SLC25A12: variants seen among roughly 807,000 people sequenced by gnomAD.
SLC25A12 encodes solute carrier family 25 member 12.
Under a neutral mutation model 83.3 loss-of-function variants are expected in SLC25A12, and 32 were observed. That is an observed-to-expected ratio of 0.38 (90% CI 0.29 to 0.52). The LOEUF (loss-of-function observed/expected upper bound fraction) is 0.52, where lower values mean the gene tolerates loss of function less well. Among genes scored for constraint, SLC25A12 ranks in the 20% least tolerant of loss-of-function variants. The pLI is 0.84. For synonymous variants in SLC25A12, 267 were observed against 291.1 expected (o/e 0.92, Z 0.84); for missense variants, 611 against 835.6 (o/e 0.73, Z 3.31).
At chr2:171,791,687 G>A (rs1219101450) in intron 14 of SLC25A12, 98 bp from the exon 15 acceptor site, 1 of 1,151,340 alleles carries the variant, frequency 8.7e-7, no homozygotes, top group African/African-American at 1.5e-5. Flanking sequence ...AGCTTGAGGT[G>A]TCCCTCAGTG....
At chr2:171,850,774 A>G (rs779080805) in intron 4 of SLC25A12, among the ~76,000 whole-genome samples, 1 of 152,148 alleles carries the variant, frequency 6.6e-6, no homozygotes, top group Non-Finnish European at 1.5e-5. Context: ...ATAGAACTTC[A>G]TATTATTGCA....
intron 2 of SLC25A12, among the ~76,000 whole-genome samples, chr2:171,869,076 A>G (rs1387479104): frequency 6.6e-6 from 1 of 152,240 alleles, no homozygotes; most frequent in Admixed American, 6.5e-5. Context: ...GACAGACACT[A>G]AAGGCCATAT....
intron 2 of SLC25A12, among the ~76,000 whole-genome samples, chr2:171,888,529 C>T (rs1033815958): frequency 3.9e-5 from 6 of 152,144 alleles, no homozygotes; most frequent in African/African-American, 9.7e-5. Context: ...GCAACCCCCG[C>T]TTCCCGGGTT....
chr2:171,850,861 A>G (rs1015773960), intron 4 of SLC25A12, among the ~76,000 whole-genome samples: 2 of 152,266 alleles, frequency 1.3e-5, no homozygotes, highest in Non-Finnish European at 2.9e-5. Context: ...CTTTAAAATA[A>G]TAACAGTGGT....
intron 13 of SLC25A12, among the ~76,000 whole-genome samples, chr2:171,794,370 C>T (rs1260922515): frequency 6.6e-6 from 1 of 152,006 alleles, no homozygotes; most frequent in East Asian, 1.9e-4. Context: ...ATGGCTACAC[C>T]CACACAAAAG....
At chr2:171,872,375 T>A (rs1573998814) in intron 2 of SLC25A12, among the ~76,000 whole-genome samples, 1 of 152,176 alleles carries the variant, frequency 6.6e-6, no homozygotes, top group East Asian at 1.9e-4. Flanking sequence ...TCCTGTCAAT[T>A]GCTTTTCTTC....
At position 171,834,008 on chromosome 2, in the gene SLC25A12, T is replaced by G; in HGVS notation, c.800A>C (p.Glu267Ala). ...AIRYGQVTPL[E>A]IDILYQLADL... Reference sequence around the variant, plus strand: ...TGCAAGCTGATATAGAATATCAATTTCTAGTGGTGTGACTTGTCCATAGCG... The same window carrying G: ...TGCAAGCTGATATAGAATATCAATTGCTAGTGGTGTGACTTGTCCATAGCG... Residue 267 changes from glutamate to alanine, a missense_variant, in exon 8 of 18, where the codon GAA becomes GCA. Physicochemically the swap from Glu to Ala is moderately radical, Grantham distance 107. This residue lies in a region of SLC25A12 where 540 missense variants were observed against 777.5 expected (regional missense o/e 0.69). Transcript: ENST00000422440. The G allele has an allele frequency of 1.9e-6, 3 of 1,610,312 alleles. No homozygotes were observed. The highest frequency in any genetic ancestry group is 1.7e-6 in the Non-Finnish European group (2 of 1,176,678).
intron 6 of SLC25A12, 118 bp from the exon 7 acceptor site, chr2:171,834,983 C>CAGTG: frequency 2.9e-6 from 3 of 1,031,330 alleles, no homozygotes; most frequent in Non-Finnish European, 4.4e-6. Flanking sequence ...ATGATGTTAA[C>CAGTG]AACCAGTACA....
chr2:171,883,494 G>A (rs1179125467), intron 2 of SLC25A12, among the ~76,000 whole-genome samples: 2 of 152,200 alleles, frequency 1.3e-5, no homozygotes, highest in African/African-American at 4.8e-5. Context: ...GAACTCTATA[G>A]ACAGGAGGAC....
chr2:171,852,655 C>T, intron 4 of SLC25A12: 1 of 455,204 alleles, frequency 2.2e-6, no homozygotes, highest in Admixed American at 2.4e-5. Context: ...TGGTTACAAA[C>T]ATGAAAACTG....
chr2:171,885,386 G>A lies in SLC25A12; in HGVS notation c.66+7819C>T, dbSNP rs79458694. On this transcript the variant is annotated intron_variant, in intron 2 of 17. Coordinates refer to ENST00000422440, the MANE Select transcript of SLC25A12 (RefSeq NM_003705.5). ...TAGTTTATGTTAAATACTTTCTAAA[G>A]TATTTAGAAAAGGCTGGGCATGGTG... is the stretch of plus-strand genomic sequence containing the variant. Among the ~76,000 whole-genome samples the A allele has an allele frequency of 2.1e-3, 308 of 149,388 alleles. 1 individual carries two copies. The highest frequency in any genetic ancestry group is 3.5e-3 in the Non-Finnish European group (239 of 67,482).
intron 3 of SLC25A12, among the ~76,000 whole-genome samples, chr2:171,859,819 T>C (rs935437192): frequency 3.3e-5 from 5 of 151,986 alleles, no homozygotes; most frequent in African/African-American, 1.2e-4. Context: ...TGGAGTGCAA[T>C]GGCATGATCT....
intron 5 of SLC25A12, among the ~76,000 whole-genome samples, chr2:171,838,279 C>A (rs981397737): frequency 6.6e-6 from 1 of 152,158 alleles, no homozygotes; most frequent in African/African-American, 2.4e-5. Flanking sequence ...GAAGTCTCAT[C>A]ATTTTTATTT....
At chr2:171,840,765 G>A (rs1023189967) in intron 5 of SLC25A12, among the ~76,000 whole-genome samples, 4 of 152,206 alleles carry the variant, frequency 2.6e-5, no homozygotes, top group African/African-American at 7.2e-5. Flanking sequence ...ATTGAAGGAC[G>A]TAAGTTTCCA....
chr2:171,793,115 GTTGGT>G (rs1683517477), intron 14 of SLC25A12, among the ~76,000 whole-genome samples: 1 of 148,032 alleles, frequency 6.8e-6, no homozygotes, highest in Admixed American at 6.7e-5. Context: ...ACACTCTGTT[GTTGGT>G]TTGTTTTTTT....
chr2:171,821,312 C>T (rs1034534529), intron 9 of SLC25A12, among the ~76,000 whole-genome samples: 1 of 152,008 alleles, frequency 6.6e-6, no homozygotes, highest in Non-Finnish European at 1.5e-5. Flanking sequence ...CCACCACACC[C>T]GGCCTAAACT....
intron 13 of SLC25A12, among the ~76,000 whole-genome samples, chr2:171,803,862 G>A (rs908590999): frequency 2.6e-5 from 4 of 151,940 alleles, no homozygotes; most frequent in Non-Finnish European, 5.9e-5. Flanking sequence ...CAAAGATGTA[G>A]AGAAATCAGA....
At chr2:171,827,206 T>C (rs1684320618) in intron 8 of SLC25A12, among the ~76,000 whole-genome samples, 1 of 152,148 alleles carries the variant, frequency 6.6e-6, no homozygotes, top group Non-Finnish European at 1.5e-5. Flanking sequence ...CAAGGATACC[T>C]ATCTAAAGGA....
intron 13 of SLC25A12, among the ~76,000 whole-genome samples, chr2:171,797,506 T>C (rs913395405): frequency 1.3e-5 from 2 of 152,172 alleles, no homozygotes; most frequent in African/African-American, 4.8e-5. Flanking sequence ...GCATACTCTA[T>C]TGTACCTTTT....
Sources: allele counts gnomAD v4.1 joint callset (sites outside exome capture counted in the v4.1 genomes callset), GRCh38; gene constraint gnomAD v4.1.1; regional missense constraint gnomAD v4.1.1; transcripts MANE v1.5; gene names NCBI Gene and HGNC (gene_info 2026-07-23, HGNC 2026-07-21).